PLCB1: variants seen among roughly 807,000 people sequenced by gnomAD.
The protein encoded by PLCB1 is phospholipase C beta 1.
Under a neutral mutation model 161.8 loss-of-function variants are expected in PLCB1, and 46 were observed. That is an observed-to-expected ratio of 0.28 (90% CI 0.22 to 0.36). PLCB1 has a LOEUF of 0.36. Ranked by LOEUF, PLCB1 falls within the 10% of genes least tolerant of loss-of-function variation. The pLI is 1.00. For missense variants in PLCB1, 1,016 were observed against 1,472.5 expected (o/e 0.69, Z 5.07); for synonymous variants, 517 against 503.7 (o/e 1.03, Z -0.35).
intron 1 of PLCB1, among the ~76,000 whole-genome samples, chr20:8,147,455 C>T (rs2051464878): frequency 6.6e-6 from 1 of 152,184 alleles, no homozygotes; most frequent in East Asian, 1.9e-4. Flanking sequence ...TCATATATTT[C>T]AAGTTTCAAA....
chr20:8,299,685 A>G (rs1278786335), intron 2 of PLCB1, among the ~76,000 whole-genome samples: 1 of 152,144 alleles, frequency 6.6e-6, no homozygotes, highest in African/African-American at 2.4e-5. Flanking sequence ...TTTCCTTTTT[A>G]GTAAATTCGT....
chr20:8,161,009 T>A (rs557884040), intron 2 of PLCB1, among the ~76,000 whole-genome samples: 1 of 152,248 alleles, frequency 6.6e-6, no homozygotes, highest in South Asian at 2.1e-4. Flanking sequence ...TAATATTCAC[T>A]AATTTACTTT....
intron 2 of PLCB1, among the ~76,000 whole-genome samples, chr20:8,212,214 A>C (rs948507052): frequency 2.6e-5 from 4 of 152,154 alleles, no homozygotes; most frequent in African/African-American, 9.6e-5. Context: ...TTAGTGGTAC[A>C]TTAGAAAAGC....
Position 8,878,968 on chromosome 20 carries a change from C to G in PLCB1, c.3424-2654C>G, listed in dbSNP as rs143722454. 3.6e-3 allele frequency among the ~76,000 whole-genome samples: 546 copies of G among 152,170 alleles called. 1 individual carries two copies. Among genetic ancestry groups the G allele is most frequent in the African/African-American group, 0.013 (523 of 41,532 alleles). On this transcript the variant is annotated intron_variant, in intron 31 of 31. Coordinates refer to ENST00000338037, the MANE Select transcript of PLCB1 (RefSeq NM_015192.4). ...AAGGCTTGCCCCCGACTCCCTCCCC[C>G]ACTTTATTAGTCCCCAGTGTCAATC...
intron 3 of PLCB1, among the ~76,000 whole-genome samples, chr20:8,446,359 C>G (rs1038056880): frequency 1.3e-5 from 2 of 152,178 alleles, no homozygotes; most frequent in Non-Finnish European, 2.9e-5. Context: ...AATTCAACAA[C>G]CCTTTGTTTT....
At chr20:8,718,381 C>A (rs1385892973) in intron 14 of PLCB1, among the ~76,000 whole-genome samples, 2 of 152,172 alleles carry the variant, frequency 1.3e-5, no homozygotes, top group Non-Finnish European at 2.9e-5. Flanking sequence ...AGGAAGCCCC[C>A]TGGGTTTCAC....
intron 2 of PLCB1, among the ~76,000 whole-genome samples, chr20:8,319,017 A>G (rs1351301057): frequency 5.3e-5 from 8 of 152,136 alleles, no homozygotes; most frequent in Non-Finnish European, 8.8e-5. Context: ...GTTTAGCTGT[A>G]TTACATTTAT....
intron 2 of PLCB1, among the ~76,000 whole-genome samples, chr20:8,300,046 C>T (rs150687529): frequency 6.6e-6 from 1 of 152,306 alleles, no homozygotes; most frequent in African/African-American, 2.4e-5. Context: ...GATGACTCTA[C>T]TGACCTTGGC....
chr20:8,182,134 C>T (rs2051850581), intron 2 of PLCB1, among the ~76,000 whole-genome samples: 1 of 152,168 alleles, frequency 6.6e-6, no homozygotes. Context: ...AGACACAGAT[C>T]AAAAGTTTTT....
chr20:8,701,706 C>T (rs765215462), intron 11 of PLCB1, among the ~76,000 whole-genome samples: 12 of 152,176 alleles, frequency 7.9e-5, no homozygotes, highest in Non-Finnish European at 1.6e-4. Context: ...TTGAGCAGAA[C>T]CTGACATATA....
intron 12 of PLCB1, among the ~76,000 whole-genome samples, chr20:8,712,236 A>G (rs564220788): frequency 6.6e-6 from 1 of 152,286 alleles, no homozygotes; most frequent in African/African-American, 2.4e-5. Flanking sequence ...CAGAGGCTGC[A>G]GTGAGCTGAG....
intron 2 of PLCB1, among the ~76,000 whole-genome samples, chr20:8,199,975 T>C (rs2052075149): frequency 1.3e-5 from 2 of 152,154 alleles, no homozygotes; most frequent in African/African-American, 4.8e-5. Flanking sequence ...TAGGACCAAG[T>C]GGAGAAACTG....
chr20:8,832,464 C>G (rs928287050), intron 31 of PLCB1, among the ~76,000 whole-genome samples: 1 of 152,206 alleles, frequency 6.6e-6, no homozygotes, highest in Non-Finnish European at 1.5e-5. Context: ...AGACTAGCAT[C>G]AGGAAAAACA....
intron 11 of PLCB1, among the ~76,000 whole-genome samples, chr20:8,707,659 A>G (rs796653784): frequency 7.3e-4 from 111 of 152,320 alleles, no homozygotes; most frequent in African/African-American, 2.5e-3. Context: ...ATTCATTCCC[A>G]GAAAATCAAT....
At chr20:8,456,989 A>T (rs1280993554) in intron 3 of PLCB1, among the ~76,000 whole-genome samples, 1 of 152,232 alleles carries the variant, frequency 6.6e-6, no homozygotes, top group Non-Finnish European at 1.5e-5. Context: ...ATTGGGACAT[A>T]AAGAGTCTAC....
intron 10 of PLCB1, among the ~76,000 whole-genome samples, chr20:8,696,134 A>C (rs939967442): frequency 6.6e-6 from 1 of 152,192 alleles, no homozygotes; most frequent in South Asian, 2.1e-4. Context: ...TTGTAGTTTT[A>C]GCTCTTATAT....
chr20:8,502,745 T>C (rs887860829), intron 3 of PLCB1, among the ~76,000 whole-genome samples: 2 of 152,104 alleles, frequency 1.3e-5, no homozygotes, highest in Non-Finnish European at 1.5e-5. Flanking sequence ...TCTTCGAAAA[T>C]TTGCTGGCAG....
intron 3 of PLCB1, among the ~76,000 whole-genome samples, chr20:8,590,277 G>A (rs1987109781): frequency 1.3e-5 from 2 of 152,082 alleles, no homozygotes; most frequent in Admixed American, 6.6e-5. Flanking sequence ...TTCGGAAGTC[G>A]TATGTTGGGA....
intron 10 of PLCB1, among the ~76,000 whole-genome samples, chr20:8,686,472 C>T (rs1335065241): frequency 6.6e-6 from 1 of 152,078 alleles, no homozygotes. Context: ...AAATACCTTC[C>T]AACTGATATA....
Sources: allele counts gnomAD v4.1 joint callset (sites outside exome capture counted in the v4.1 genomes callset), GRCh38; gene constraint gnomAD v4.1.1; transcripts MANE v1.5; gene names NCBI Gene and HGNC (gene_info 2026-07-23, HGNC 2026-07-21).